DYM: variants seen among roughly 807,000 people sequenced by gnomAD.
DYM encodes the protein dyggve-Melchior-Clausen syndrome protein.
Under a neutral mutation model 93.1 loss-of-function variants are expected in DYM, and 78 were observed. That is an observed-to-expected ratio of 0.84 (90% CI 0.70 to 1.01). The LOEUF (loss-of-function observed/expected upper bound fraction) is 1.01. Ranked by LOEUF, DYM falls within the 50% of genes least tolerant of loss-of-function variation. The pLI is 0.00. For synonymous variants in DYM, 321 were observed against 319.7 expected (o/e 1.00, Z -0.04); for missense variants, 789 against 845.0 (o/e 0.93, Z 0.82).
chr18:49,415,697 G>A (rs1172958551), intron 2 of DYM, among the ~76,000 whole-genome samples: 3 of 152,040 alleles, frequency 2.0e-5, no homozygotes, highest in South Asian at 2.1e-4. Flanking sequence ...GGAGGCTGAT[G>A]TGGGTGGATT....
chr18:49,413,302 G>A (rs573329313), intron 2 of DYM, among the ~76,000 whole-genome samples: 30 of 152,188 alleles, frequency 2.0e-4, no homozygotes, highest in African/African-American at 7.2e-4. Context: ...TCTCACACGT[G>A]GGAATAATAG....
chr18:49,066,411 T>G (rs1165154647), intron 17 of DYM, among the ~76,000 whole-genome samples: 1 of 152,266 alleles, frequency 6.6e-6, no homozygotes, highest in Admixed American at 6.5e-5. Context: ...CTTACCATTA[T>G]GCATGTGAGA....
chr18:49,181,867 T>G (rs139653673), intron 14 of DYM, among the ~76,000 whole-genome samples: 3 of 152,232 alleles, frequency 2.0e-5, no homozygotes, highest in East Asian at 3.9e-4. Flanking sequence ...TGTTGTTCTT[T>G]TTCTAGTTTC....
chr18:49,276,360 T>C (rs951340918), intron 10 of DYM, among the ~76,000 whole-genome samples: 2 of 152,294 alleles, frequency 1.3e-5, no homozygotes, highest in Admixed American at 6.5e-5. Flanking sequence ...TCTGTTGATA[T>C]GATGTATCAC....
intron 6 of DYM, among the ~76,000 whole-genome samples, chr18:49,348,907 CAA>C (rs11398177): frequency 5.7e-5 from 7 of 123,238 alleles, no homozygotes; most frequent in Admixed American, 8.4e-5. Flanking sequence ...GACTCCTCAC[CAA>C]AAAAAAAAAA....
chr18:49,412,969 A>G (rs974873299), intron 2 of DYM: 1 of 152,228 alleles, frequency 6.6e-6, no homozygotes, highest in Non-Finnish European at 1.5e-5. Context: ...CAGATTACCC[A>G]TCAGCTTGTG....
chr18:49,260,423 T>C (rs1316400340), intron 11 of DYM, among the ~76,000 whole-genome samples: 1 of 152,076 alleles, frequency 6.6e-6, no homozygotes, highest in East Asian at 1.9e-4. Context: ...TGAGAAGTTC[T>C]CCACAGAAAC....
chr18:49,196,563 T>C (rs2091471747), intron 14 of DYM, among the ~76,000 whole-genome samples: 1 of 152,038 alleles, frequency 6.6e-6, no homozygotes, highest in African/African-American at 2.4e-5. Context: ...GGAACCATAA[T>C]ATTAACATAA....
intron 15 of DYM, among the ~76,000 whole-genome samples, chr18:49,125,751 T>C (rs1194869729): frequency 6.6e-6 from 1 of 152,194 alleles, no homozygotes; most frequent in Admixed American, 6.5e-5. Flanking sequence ...ATAACATTCA[T>C]CCCAAGTGGT....
chr18:49,314,687 C>A (rs1192045757), intron 8 of DYM, among the ~76,000 whole-genome samples: 1 of 152,174 alleles, frequency 6.6e-6, no homozygotes, highest in Non-Finnish European at 1.5e-5. Flanking sequence ...AGATTTAATT[C>A]ATTTTCGCTT....
intron 13 of DYM, among the ~76,000 whole-genome samples, chr18:49,238,128 G>A (rs150832920): frequency 2.6e-5 from 4 of 152,232 alleles, no homozygotes; most frequent in Non-Finnish European, 4.4e-5. Context: ...CATAGGAGTT[G>A]TACCAATTTA....
At chr18:49,452,615 C>T (rs1038249051) in intron 1 of DYM, among the ~76,000 whole-genome samples, 1 of 152,134 alleles carries the variant, frequency 6.6e-6, no homozygotes, top group Non-Finnish European at 1.5e-5. Context: ...TACAATCCCT[C>T]AGCTAGACAT....
chr18:49,445,651 A>T (rs1235596958), intron 1 of DYM, among the ~76,000 whole-genome samples: 2 of 152,160 alleles, frequency 1.3e-5, no homozygotes, highest in South Asian at 4.1e-4. Context: ...TTACACTGTC[A>T]AGTCAGGCAT....
chr18:49,417,122 A>G (rs2073082250), intron 2 of DYM, among the ~76,000 whole-genome samples: 1 of 152,080 alleles, frequency 6.6e-6, no homozygotes. Flanking sequence ...ACTTCTACCC[A>G]TATGTATAAG....
chr18:49,368,336 C>G (rs1286651155), intron 5 of DYM, among the ~76,000 whole-genome samples: 1 of 152,200 alleles, frequency 6.6e-6, no homozygotes, highest in South Asian at 2.1e-4. Flanking sequence ...AACAATCACA[C>G]CTATTATATG....
chr18:49,367,735 GT>G (rs1183122648), intron 5 of DYM, among the ~76,000 whole-genome samples: 2 of 152,166 alleles, frequency 1.3e-5, no homozygotes, highest in African/African-American at 4.8e-5. Flanking sequence ...TGAACTGCCA[GT>G]TTTTTAATGC....
chr18:49,274,958 G>C (rs1304742913), intron 10 of DYM, among the ~76,000 whole-genome samples: 1 of 151,930 alleles, frequency 6.6e-6, no homozygotes, highest in African/African-American at 2.4e-5. Context: ...ATGGTCCTTT[G>C]AAGCACAAAC....
At chr18:49,120,541 C>G (rs116115329) in intron 15 of DYM, among the ~76,000 whole-genome samples, 2,314 of 152,294 alleles carry the variant, frequency 0.015, 55 homozygotes, top group African/African-American at 0.053. Context: ...CAGTTGCTCA[C>G]TCCATCCACA....
At chr18:49,114,039 C>A (rs2081685829) in intron 16 of DYM, among the ~76,000 whole-genome samples, 1 of 152,134 alleles carries the variant, frequency 6.6e-6, no homozygotes, top group Non-Finnish European at 1.5e-5. Context: ...CTTCTCTAGC[C>A]CTGCTCTCCC....
Sources: gnomAD v4.1 joint callset for allele counts (sites outside exome capture counted in the v4.1 genomes callset) on GRCh38, gnomAD v4.1.1 for gene constraint, MANE v1.5 for transcripts, NCBI Gene and HGNC (gene_info 2026-07-23, HGNC 2026-07-21) for gene names.